MS4A4E: variants seen among roughly 807,000 people sequenced by gnomAD.
MS4A4E encodes the protein membrane spanning 4-domains A4E.
Under a neutral mutation model 13.3 loss-of-function variants are expected in MS4A4E, and 23 were observed. The observed-to-expected ratio is 1.73, with a 90% CI of 1.25 to 2.45. The LOEUF (loss-of-function observed/expected upper bound fraction) is 2.45. Ranked by LOEUF, MS4A4E falls within the 30% of genes most tolerant of loss-of-function variation. The pLI is 0.00. For synonymous variants in MS4A4E, 36 were observed against 45.6 expected (o/e 0.79, Z 0.85); for missense variants, 144 against 131.2 (o/e 1.10, Z -0.48).
intron 3 of MS4A4E, among the ~76,000 whole-genome samples, chr11:60,221,384 A>C (rs1238677628): frequency 6.6e-6 from 1 of 152,174 alleles, no homozygotes; most frequent in East Asian, 1.9e-4. Context: ...CATGATCCCC[A>C]TTCCTGCCAC....
At chr11:60,209,847 G>A (rs2134922094) in intron 5 of MS4A4E, among the ~76,000 whole-genome samples, 1 of 152,326 alleles carries the variant, frequency 6.6e-6, no homozygotes, top group South Asian at 2.1e-4. Context: ...AAGAGCTCAG[G>A]ATATGAGTGA....
chr11:60,229,757 A>G (rs2084384607), intron 2 of MS4A4E, among the ~76,000 whole-genome samples, 155 bp downstream of exon 2: 1 of 152,260 alleles, frequency 6.6e-6, no homozygotes, highest in South Asian at 2.1e-4. Flanking sequence ...AATATTATAT[A>G]TTTTTTCAAA....
chr11:60,238,762 T>C (rs1313779087), intron 1 of MS4A4E, among the ~76,000 whole-genome samples: 2 of 152,216 alleles, frequency 1.3e-5, no homozygotes, highest in Non-Finnish European at 2.9e-5. Context: ...TACTGAGCCC[T>C]ATAGATTCAC....
intron 1 of MS4A4E, among the ~76,000 whole-genome samples, chr11:60,236,222 G>A (rs2084480649): frequency 6.6e-6 from 1 of 152,122 alleles, no homozygotes; most frequent in South Asian, 2.1e-4. Context: ...AGTAAGTTTT[G>A]AATTGGAAAG....
At chr11:60,226,126 A>AT (rs1002427293) in intron 3 of MS4A4E, among the ~76,000 whole-genome samples, 1 of 151,718 alleles carries the variant, frequency 6.6e-6, no homozygotes, top group African/African-American at 2.4e-5. Context: ...GAATAAGCCT[A>AT]TAATTATTAA....
intron 1 of MS4A4E, among the ~76,000 whole-genome samples, chr11:60,231,676 C>T (rs1174662482): frequency 6.6e-6 from 1 of 152,044 alleles, no homozygotes; most frequent in East Asian, 1.9e-4. Flanking sequence ...TGATCATAAT[C>T]CTAGAAATTA....
intron 1 of MS4A4E, among the ~76,000 whole-genome samples, chr11:60,231,116 A>G (rs2084405613): frequency 6.6e-6 from 1 of 152,192 alleles, no homozygotes; most frequent in Admixed American, 6.5e-5. Context: ...TAGCAATAAA[A>G]TTGATTAAAG....
At chr11:60,221,664 AATTATAT>A (rs2084271857) in intron 3 of MS4A4E, among the ~76,000 whole-genome samples, 1 of 152,198 alleles carries the variant, frequency 6.6e-6, no homozygotes, top group Non-Finnish European at 1.5e-5. Flanking sequence ...CCAGATCTGC[AATTATAT>A]ACTGATTCAT....
rs11230195 is a variant in MS4A4E, at chr11:60,216,342, C to T, written c.179-1728G>A. 6.7e-3 allele frequency among the ~76,000 whole-genome samples: 1,016 copies of T among 152,070 alleles called. 67 individuals are homozygous for T. In the East Asian group the frequency reaches 0.15, roughly 22 times the overall value. ...CTTGAAAAGAAAATGGACATGAAAG[C>T]GGAAACCTAGGTAGTTACATGTATG... On this transcript the variant is annotated intron_variant, in intron 3 of 8. Coordinates refer to ENST00000651255, the MANE Select transcript of MS4A4E (RefSeq NM_001393391.1).
rs971139083 is a variant in MS4A4E, at chr11:60,201,093, G to T, written c.*450C>A. On this transcript the variant is annotated 3_prime_UTR_variant, in exon 9 of 9. Transcript: ENST00000651255. ...TGAACCCCCCACCTCCCTCCCGGACGGGGCGGCTGGCCGGGCGGGGTCTGA... is the reference window on the plus strand; with the variant it reads ...TGAACCCCCCACCTCCCTCCCGGACTGGGCGGCTGGCCGGGCGGGGTCTGA... Among the ~76,000 whole-genome samples the T allele has an allele frequency of 7.1e-6, 1 of 140,690 alleles. No individual in the cohort carries two copies. The highest frequency in any genetic ancestry group is 2.6e-5 in the African/African-American group (1 of 38,068). 92.3% of individuals were successfully genotyped at this position (140,690 alleles called of 152,430 possible).
At chr11:60,234,777 ACC>A (rs368312750) in intron 1 of MS4A4E, among the ~76,000 whole-genome samples, 44 of 112,068 alleles carry the variant, frequency 3.9e-4, no homozygotes, top group African/African-American at 1.2e-3. Context: ...TACAAAAACA[ACC>A]CCCCCCCCCA....
At chr11:60,237,493 T>A (rs2084498140) in intron 1 of MS4A4E, among the ~76,000 whole-genome samples, 1 of 152,228 alleles carries the variant, frequency 6.6e-6, no homozygotes, top group African/African-American at 2.4e-5. Flanking sequence ...GAATGGTATT[T>A]CTGTTTTTAG....
At chr11:60,216,173 A>G (rs1054206610) in intron 3 of MS4A4E, among the ~76,000 whole-genome samples, 7 of 152,224 alleles carry the variant, frequency 4.6e-5, no homozygotes, top group African/African-American at 1.7e-4. Flanking sequence ...GGGTTTTACC[A>G]ATTTACTGCA....
rs905396267 is a variant in MS4A4E at position 60,225,008 on chromosome 11, G to A, written c.178+3586C>T. ...TGTGTACGCAACATACACAAAAATG[G>A]GATGTTCTTCATAAGAACTAAATGC... On this transcript the variant is annotated intron_variant, in intron 3 of 8. Coordinates refer to ENST00000651255, the MANE Select transcript of MS4A4E (RefSeq NM_001393391.1). The A allele has an allele frequency of 4.5e-6, 7 of 1,543,208 alleles. No individual in the cohort carries two copies. The African/African-American group carries it at 9.6e-5, about 21-fold the overall frequency.
chr11:60,209,597 G>A (rs2084093680), intron 5 of MS4A4E, among the ~76,000 whole-genome samples: 2 of 152,206 alleles, frequency 1.3e-5, no homozygotes, highest in African/African-American at 4.8e-5. Context: ...GTAACAATAA[G>A]AAGCTAATAC....
chr11:60,232,324 A>ACACACACACACACACACCG (rs2084422294), intron 1 of MS4A4E, among the ~76,000 whole-genome samples: 1 of 56,048 alleles, frequency 1.8e-5, no homozygotes, highest in Non-Finnish European at 3.8e-5. Flanking sequence ...CACACACACC[A>ACACACACACACACACACCG]AAAATGAATA....
chr11:60,209,974 A>T (rs967378590), intron 5 of MS4A4E, among the ~76,000 whole-genome samples: 6 of 152,254 alleles, frequency 3.9e-5, no homozygotes, highest in African/African-American at 1.4e-4. Context: ...CAGAATATAG[A>T]ACAGCAAACA....
At chr11:60,211,047 G>C (rs534226589) in intron 5 of MS4A4E, among the ~76,000 whole-genome samples, 1 of 152,162 alleles carries the variant, frequency 6.6e-6, no homozygotes, top group African/African-American at 2.4e-5. Flanking sequence ...CCATGCCCAC[G>C]AAATCAGCCC....
At chr11:60,214,636 G>T in intron 3 of MS4A4E, 22 bp from the exon 4 acceptor site, 1 of 1,474,186 alleles carries the variant, frequency 6.8e-7, no homozygotes, top group Non-Finnish European at 9.0e-7. Flanking sequence ...AAATAAGAAT[G>T]AGAGAAAAAA....
Sources: gnomAD v4.1 joint callset for allele counts (sites outside exome capture counted in the v4.1 genomes callset) on GRCh38, gnomAD v4.1.1 for gene constraint, MANE v1.5 for transcripts, NCBI Gene and HGNC (gene_info 2026-07-23, HGNC 2026-07-21) for gene names.